The following USPL1 variants were observed in gnomAD, a reference collection of about 807,000 sequenced individuals.
USPL1 encodes ubiquitin specific peptidase like 1, also known as SUMO-specific isopeptidase USPL1.
A neutral mutation model predicts 51.5 loss-of-function variants in USPL1; 27 were observed. The observed-to-expected ratio is 0.52, with a 90% CI of 0.39 to 0.72. The LOEUF (loss-of-function observed/expected upper bound fraction) is 0.72, where lower values mean the gene tolerates loss of function less well. USPL1 is among the 30% of genes least tolerant of loss of function. The probability of loss-of-function intolerance (pLI) is 0.00; values close to 1 mark genes in which losing one functional copy is unlikely to be tolerated. For missense variants in USPL1, 1,226 were observed against 1,268.0 expected (o/e 0.97, Z 0.50); for synonymous variants, 451 against 459.6 (o/e 0.98, Z 0.24).
intron 6 of USPL1, among the ~76,000 whole-genome samples, chr13:30,643,473 G>C (rs892728488): frequency 6.6e-6 from 1 of 152,252 alleles, no homozygotes; most frequent in South Asian, 2.1e-4. Context: ...GGGAGGCAAG[G>C]TATTCCCAGA....
chr13:30,631,476 T>C lies in USPL1; in HGVS notation c.868+2T>C. On this transcript the variant is annotated splice_donor_variant, in intron 4 of 8. Transcript: ENST00000255304. LOFTEE classifies it high-confidence loss of function. The stretch of plus-strand genomic sequence containing the variant: ...CCAGTCAATTGAGTGGTGTTAAAGG[T>C]TGGTACTAATATTTTATTTTTATTT... 1 of 1,605,068 alleles carries C rather than the reference T, an allele frequency of 6.2e-7. No individual in the cohort carries two copies.
intron 3 of USPL1, 86 bp from the exon 4 acceptor site, chr13:30,630,739 CTAACATTCTA>C: frequency 7.8e-7 from 1 of 1,289,108 alleles, no homozygotes; most frequent in Non-Finnish European, 1.1e-6. Context: ...CAAATCAATG[CTAACATTCTA>C]TACATGTTTT....
At chr13:30,653,469 A>G (rs540412202) in intron 8 of USPL1, among the ~76,000 whole-genome samples, 164 bp downstream of exon 8, 3 of 152,268 alleles carry the variant, frequency 2.0e-5, no homozygotes, top group Non-Finnish European at 4.4e-5. Flanking sequence ...ATCTATTAAA[A>G]GTGATGGTTT....
chr13:30,658,365 T>G lies in USPL1; in HGVS notation c.2288T>G (p.Leu763Ter). 1 of 1,613,812 alleles carries G rather than the reference T, an allele frequency of 6.2e-7. No individual in the cohort carries two copies. The highest frequency in any genetic ancestry group is 8.5e-7 in the Non-Finnish European group (1 of 1,180,014). Residue 763 changes from leucine to a stop codon, truncating the protein, a stop_gained, in exon 9 of 9, where the codon TTA (leucine) becomes TGA (stop). Transcript: ENST00000255304. LOFTEE classifies it low-confidence loss of function (END_TRUNC). ...KPFVGSWVKG[L>*]ISRGASFMPL... ...TTTGTGGGAAGTTGGGTTAAAGGCTTAATAAGCAGGGGTGCTTCTTTTATG... is the reference window on the plus strand; with the variant it reads ...TTTGTGGGAAGTTGGGTTAAAGGCTGAATAAGCAGGGGTGCTTCTTTTATG...
At position 30,648,260 on chromosome 13, in the gene USPL1, G is replaced by A. The variant is rs562040544; in HGVS notation, c.1238+1203G>A. 4.6e-5 allele frequency among the ~76,000 whole-genome samples: 7 copies of A among 152,312 alleles called. No individual in the cohort carries two copies. The South Asian group carries it at 6.2e-4, about 14-fold the overall frequency. On this transcript the variant is annotated intron_variant, in intron 7 of 8. Coordinates refer to ENST00000255304, the MANE Select transcript of USPL1 (RefSeq NM_005800.5). The stretch of plus-strand genomic sequence containing the variant: ...TCATTTGTTTTATTATGTACTGTGA[G>A]TTTTTGCCAAATACTTTAAAGACTT...
intron 2 of USPL1, 46 bp from the exon 3 acceptor site, chr13:30,621,718 T>C (rs1950648841): frequency 7.5e-7 from 1 of 1,326,312 alleles, no homozygotes; most frequent in Non-Finnish European, 9.9e-7. Context: ...TATTTTGATA[T>C]ATTCTAGGAA....
In USPL1 at chr13:30,639,242, A is replaced by G. The variant is rs9706789; in HGVS notation, c.982+1385A>G. Reference sequence around the variant, plus strand: ...AAAATGTATATATATATATATATATATATGTGTGTATGTGTGTGTATGTGC... The same window carrying G: ...AAAATGTATATATATATATATATATGTATGTGTGTATGTGTGTGTATGTGC... On this transcript the variant is annotated intron_variant, in intron 5 of 8. Transcript: ENST00000255304. 2.1e-3 allele frequency among the ~76,000 whole-genome samples: 281 copies of G among 131,710 alleles called. 1 individual carries two copies. The highest frequency in any genetic ancestry group is 4.4e-3 in the South Asian group (18 of 4,076). 86.4% of individuals were successfully genotyped at this position (131,710 alleles called of 152,430 possible).
intron 3 of USPL1, among the ~76,000 whole-genome samples, chr13:30,628,811 T>C (rs1487349245): frequency 1.3e-5 from 2 of 152,252 alleles, no homozygotes; most frequent in Non-Finnish European, 2.9e-5. Context: ...TTGAGTTGCT[T>C]TCACTTTTTG....
chr13:30,659,456 T>C lies in USPL1; in HGVS notation c.*100T>C. On this transcript the variant is annotated 3_prime_UTR_variant, in exon 9 of 9. Coordinates refer to ENST00000255304, the MANE Select transcript of USPL1 (RefSeq NM_005800.5). ...TATACACTGGACTTGTGTAATTACT[T>C]GTGTAATAACCATGAACAAAATGCA... The C allele has an allele frequency of 9.2e-7, 1 of 1,089,066 alleles. No individual in the cohort carries two copies. Among genetic ancestry groups the C allele is most frequent in the South Asian group, 1.9e-5 (1 of 52,844 alleles). The allele number at this position is 1,089,066 out of a possible 1,614,324, so 67.5% of individuals were successfully genotyped here.
At chr13:30,641,906 ATT>A (rs779288804) in intron 5 of USPL1, among the ~76,000 whole-genome samples, 27 of 141,358 alleles carry the variant, frequency 1.9e-4, no homozygotes, top group Admixed American at 2.1e-4. Flanking sequence ...CATTTCCATA[ATT>A]TTTTTTTTTT....
intron 3 of USPL1, among the ~76,000 whole-genome samples, chr13:30,625,378 G>A (rs971885318): frequency 1.3e-5 from 2 of 152,030 alleles, no homozygotes; most frequent in Non-Finnish European, 2.9e-5. Context: ...TTGTCCCCAG[G>A]AGTTAGGTTT....
At chr13:30,638,996 T>G (rs1461314449) in intron 5 of USPL1, among the ~76,000 whole-genome samples, 1 of 151,506 alleles carries the variant, frequency 6.6e-6, no homozygotes, top group Non-Finnish European at 1.5e-5. Flanking sequence ...GGCAGGCGTA[T>G]CACAAGGTCA....
Position 30,659,243 on chromosome 13 carries a change from C to A in USPL1, c.3166C>A (p.Pro1056Thr). The A allele has an allele frequency of 3.1e-6, 5 of 1,614,082 alleles. No individual in the cohort carries two copies. Among genetic ancestry groups the A allele is most frequent in the Non-Finnish European group, 4.2e-6 (5 of 1,180,012 alleles). ...ACVRTLNLES[P>T]MKTDIFDEFF... The stretch of plus-strand genomic sequence containing the variant: ...CGTTAGAACATTAAACTTGGAGAGT[C>A]CGATGAAGACTGATATTTTCGATGA... Residue 1056 changes from proline to threonine, a missense_variant, in exon 9 of 9, where the codon CCG becomes ACG. Transcript: ENST00000255304.
intron 8 of USPL1, among the ~76,000 whole-genome samples, chr13:30,653,579 A>C (rs1405362632): frequency 6.6e-6 from 1 of 152,020 alleles, no homozygotes; most frequent in Non-Finnish European, 1.5e-5. Context: ...TGAGATTACT[A>C]CTGTTAGCTC....
intron 3 of USPL1, among the ~76,000 whole-genome samples, chr13:30,628,980 G>C (rs1035595591): frequency 6.6e-6 from 1 of 152,136 alleles, no homozygotes; most frequent in African/African-American, 2.4e-5. Context: ...ATAGGACTTA[G>C]GAAGTAATCT....
chr13:30,623,161 G>C (rs1211993893), intron 3 of USPL1, among the ~76,000 whole-genome samples: 2 of 152,062 alleles, frequency 1.3e-5, no homozygotes, highest in East Asian at 3.8e-4. Flanking sequence ...TGCAATTCGA[G>C]CAAAAGCCTG....
intron 3 of USPL1, among the ~76,000 whole-genome samples, chr13:30,622,142 T>G (rs1950655106): frequency 6.6e-6 from 1 of 152,080 alleles, no homozygotes. Context: ...TTTTTTTCTT[T>G]TTTTTTAACC....
intron 3 of USPL1, among the ~76,000 whole-genome samples, chr13:30,623,699 C>A (rs1286935985): frequency 6.6e-6 from 1 of 152,116 alleles, no homozygotes; most frequent in Non-Finnish European, 1.5e-5. Context: ...CTGGAAAGAC[C>A]ACATGATTAG....
In USPL1 at chr13:30,659,212, T is replaced by G; in HGVS notation, c.3135T>G (p.Asn1045Lys). Residue 1045 changes from asparagine to lysine, a missense_variant, in exon 9 of 9, where the codon AAT (asparagine) becomes AAG (lysine). Transcript: ENST00000255304. ...CEVQPDSLTN[N>K]ACVRTLNLES... ...TTCAGCCAGACTCTCTGACAAATAA[T>G]GCCTGCGTTAGAACATTAAACTTGG... 2 of 1,614,124 alleles carry G rather than the reference T, an allele frequency of 1.2e-6. No individual in the cohort carries two copies. The highest frequency in any genetic ancestry group is 1.7e-6 in the Non-Finnish European group (2 of 1,180,016).
Sources: allele counts gnomAD v4.1 joint callset (sites outside exome capture counted in the v4.1 genomes callset), GRCh38; gene constraint gnomAD v4.1.1; transcripts MANE v1.5; gene names NCBI Gene and HGNC (gene_info 2026-07-23, HGNC 2026-07-21).